AGL: variants seen among roughly 807,000 people sequenced by gnomAD.
AGL encodes amylo-alpha-1,6-glucosidase and 4-alpha-glucanotransferase, also known as glycogen debranching enzyme.
A neutral mutation model predicts 199.3 loss-of-function variants in AGL; 128 were observed. That is an observed-to-expected ratio of 0.64 (90% confidence interval 0.56 to 0.74). AGL has a LOEUF of 0.74. AGL is among the 30% of genes least tolerant of loss of function. The probability of loss-of-function intolerance (pLI) is 0.00; values close to 1 mark genes in which losing one functional copy is unlikely to be tolerated. For synonymous variants in AGL, 584 were observed against 594.7 expected, an observed-to-expected ratio of 0.98 and a Z score of 0.26; for missense variants, 1,809 against 1,820.8, an observed-to-expected ratio of 0.99 and a Z score of 0.12.
chr1:99,911,020 T>C (rs888373045), intron 28 of AGL, among the ~76,000 whole-genome samples, 173 bp downstream of exon 28: 4 of 152,208 alleles, frequency 2.6e-5, no homozygotes, highest in Admixed American at 6.5e-5. Flanking sequence ...TTGATATAAG[T>C]TATCAAGTAA....
In AGL at chr1:99,912,516, T is replaced by C; in HGVS notation, c.3948T>C (p.His1316=). The change falls in exon 29 of 34, where the codon CAT becomes CAC. Residue 1316 remains histidine, a splice_region_variant and synonymous_variant. Transcript: ENST00000361915. ...ATCATGAAGTCACAGTAAAAAGACATGGTAAGCTGGTTATTTTATTTACAA... is the reference window on the plus strand; with the variant it reads ...ATCATGAAGTCACAGTAAAAAGACACGGTAAGCTGGTTATTTTATTTACAA... ...FPYHEVTVKR[H]GKAIKVSYDE... is the part of the protein sequence containing the mutation. 6.3e-7 allele frequency: 1 copy of C among 1,595,070 alleles called. No individual in the cohort carries two copies. The highest frequency in any genetic ancestry group is 8.6e-7 in the Non-Finnish European group (1 of 1,162,956).
intron 4 of AGL, among the ~76,000 whole-genome samples, chr1:99,862,889 A>G (rs940503775): frequency 1.2e-4 from 18 of 152,110 alleles, no homozygotes; most frequent in African/African-American, 4.3e-4. Context: ...TTTTGCCTCT[A>G]TGTTTAATTT....
At chr1:99,910,674 C>A (rs1654679442) in intron 27 of AGL, 38 bp from the exon 28 acceptor site, 3 of 1,258,984 alleles carry the variant, frequency 2.4e-6, no homozygotes, top group African/African-American at 3.0e-5. Flanking sequence ...ATATATAATA[C>A]TTATAAAATT....
Position 99,884,670 on chromosome 1 carries a change from A to G in AGL, c.2648A>G (p.Asn883Ser), listed in dbSNP as rs754212372. The stretch of plus-strand genomic sequence containing the variant: ...AAATCTGGCAGCCTAGCTGTTGACA[A>G]TGCAGATCCTATATTAAAAATTCCT... ...HFKSGSLAVD[N>S]ADPILKIPFA... The change falls in exon 20 of 34, where the codon AAT becomes AGT. Residue 883 changes from asparagine (N) to serine (S), a missense_variant. Coordinates refer to ENST00000361915, the MANE Select transcript of AGL (RefSeq NM_000642.3). 9 of 1,613,896 alleles carry G rather than the reference A, an allele frequency of 5.6e-6. No individual in the cohort carries two copies. The Admixed American group carries it at 8.3e-5, about 15-fold the overall frequency.
intron 13 of AGL, among the ~76,000 whole-genome samples, chr1:99,880,310 A>C (rs11166365): frequency 0.012 from 1,829 of 152,302 alleles, 37 homozygotes; most frequent in African/African-American, 0.042. Flanking sequence ...TTTGTTGTTG[A>C]AAATATGCAA....
chr1:99,905,643 T>C (rs778826594), intron 27 of AGL, among the ~76,000 whole-genome samples: 28 of 152,318 alleles, frequency 1.8e-4, no homozygotes, highest in Non-Finnish European at 3.5e-4. Flanking sequence ...TGGTGCATCA[T>C]AGCTCACTCA....
chr1:99,856,868 T>C (rs913719891), intron 2 of AGL, among the ~76,000 whole-genome samples: 2 of 152,240 alleles, frequency 1.3e-5, no homozygotes, highest in Admixed American at 6.5e-5. Context: ...AACAATCTGA[T>C]TTCTCTATCT....
At chr1:99,856,627 T>A (rs1557741987) in intron 2 of AGL, among the ~76,000 whole-genome samples, 1 of 151,828 alleles carries the variant, frequency 6.6e-6, no homozygotes, top group African/African-American at 2.4e-5. Context: ...GTACTTGAGA[T>A]TAGGGAGTGG....
Position 99,919,092 on chromosome 1 carries a change from G to T in AGL, c.4481+2361G>T, listed in dbSNP as rs565306974. Among the ~76,000 whole-genome samples, 12 of 152,196 alleles carry T rather than the reference G, an allele frequency of 7.9e-5. 1 individual carries two copies. The South Asian group carries it at 2.5e-3, about 32-fold the overall frequency. On this transcript the variant is annotated intron_variant, in intron 33 of 33. Coordinates refer to ENST00000361915, the MANE Select transcript of AGL (RefSeq NM_000642.3). ...TCTTTGTACAGCTCCTTCCTCTCTA[G>T]TACTCTATCCTGCAAATTGTAGCTG...
chr1:99,859,533 G>GAAT (rs1347831092), intron 2 of AGL, among the ~76,000 whole-genome samples: 1 of 136,828 alleles, frequency 7.3e-6, no homozygotes, highest in East Asian at 2.1e-4. Context: ...TAACAAAATA[G>GAAT]AATAAATTAA....
chr1:99,857,626 A>T (rs548440540), intron 2 of AGL, among the ~76,000 whole-genome samples: 1 of 151,714 alleles, frequency 6.6e-6, no homozygotes, highest in South Asian at 2.1e-4. Flanking sequence ...CCCGGCCAAC[A>T]CAGCGAAACC....
intron 29 of AGL, among the ~76,000 whole-genome samples, chr1:99,912,855 A>G (rs1477976917): frequency 6.6e-6 from 1 of 152,234 alleles, no homozygotes; most frequent in Non-Finnish European, 1.5e-5. Flanking sequence ...TGTGAACCAC[A>G]TACATAATTT....
At chr1:99,907,929 A>T (rs1409240097) in intron 27 of AGL, among the ~76,000 whole-genome samples, 1 of 151,814 alleles carries the variant, frequency 6.6e-6, no homozygotes, top group Non-Finnish European at 1.5e-5. Context: ...AACACTTATT[A>T]GATATGGTTT....
chr1:99,867,547 T>G (rs1012134956), intron 5 of AGL, among the ~76,000 whole-genome samples: 1 of 152,076 alleles, frequency 6.6e-6, no homozygotes, highest in African/African-American at 2.4e-5. Context: ...TTCTTTTTTT[T>G]TAATTTTTTT....
intron 12 of AGL, 46 bp from the exon 13 acceptor site, chr1:99,879,877 T>G (rs753606545): frequency 2.6e-6 from 4 of 1,528,558 alleles, no homozygotes; most frequent in Admixed American, 3.3e-5. Flanking sequence ...TGCTTTTCTC[T>G]TTCTGTTACA....
chr1:99,870,627 T>G, intron 6 of AGL, 46 bp downstream of exon 6: 1 of 1,595,616 alleles, frequency 6.3e-7, no homozygotes, highest in Non-Finnish European at 8.6e-7. Context: ...AAAAAATTTC[T>G]AAAGCACACA....
intron 2 of AGL, among the ~76,000 whole-genome samples, chr1:99,855,206 A>C (rs1241028031): frequency 6.6e-6 from 1 of 152,144 alleles, no homozygotes; most frequent in African/African-American, 2.4e-5. Context: ...GACTCAAAAA[A>C]AAAGAAAAAA....
At chr1:99,899,585 C>CTTCA (rs1653643934) in intron 25 of AGL, among the ~76,000 whole-genome samples, 2 of 138,522 alleles carry the variant, frequency 1.4e-5, no homozygotes, top group South Asian at 5.0e-4. Flanking sequence ...TCCCTCTCTC[C>CTTCA]TTCCTTCCTT....
At chr1:99,857,847 A>AGAGGGAGACCGTGGGGAGGGGGGGGGGGG (rs1557743553) in intron 2 of AGL, among the ~76,000 whole-genome samples, 17 of 8,172 alleles carry the variant, frequency 2.1e-3, no homozygotes, top group East Asian at 4.7e-3. Flanking sequence ...GGGGAGGGGG[A>AGAGGGAGACCGTGGGGAGGGGGGGGGGGG]GGGGGGAAGA....
Sources: gnomAD v4.1 joint callset for allele counts (sites outside exome capture counted in the v4.1 genomes callset) on GRCh38, gnomAD v4.1.1 for gene constraint, MANE v1.5 for transcripts, NCBI Gene and HGNC (gene_info 2026-07-23, HGNC 2026-07-21) for gene names.